The following ABCC1 variants were observed in gnomAD, a reference collection of about 807,000 sequenced individuals.
ABCC1 encodes multidrug resistance-associated protein 1.
In ABCC1, 83 loss-of-function variants were observed where a neutral mutation model predicts 172.9. The ratio of observed to expected loss-of-function variants is 0.48; its 90% CI spans 0.40 to 0.58. The LOEUF (loss-of-function observed/expected upper bound fraction) is 0.58, where lower values mean the gene tolerates loss of function less well. Ranked by LOEUF, ABCC1 falls within the 20% of genes least tolerant of loss-of-function variation. The pLI is 0.00. For missense variants in ABCC1, 1,817 were observed against 2,002.7 expected, an observed-to-expected ratio of 0.91 and a Z score of 1.77; for synonymous variants, 937 against 825.2, an observed-to-expected ratio of 1.14 and a Z score of -2.32.
chr16:16,072,754 A>G (rs2050399630), intron 14 of ABCC1, among the ~76,000 whole-genome samples: 2 of 151,802 alleles, frequency 1.3e-5, no homozygotes, highest in African/African-American at 4.8e-5. Context: ...TTAATAATAA[A>G]TATTAGGCCG....
At position 16,081,152 on chromosome 16, in the gene ABCC1, G is replaced by A. The variant is rs1567381820; in HGVS notation, c.2115+1674G>A. On this transcript the variant is annotated intron_variant, in intron 16 of 30. Coordinates refer to ENST00000399410, the MANE Select transcript of ABCC1 (RefSeq NM_004996.4). ...CAAAGTGCTGGGATTACAGGCGTGA[G>A]CCACCGCTCCTGGCCTAGTTAATGA... 2.6e-5 allele frequency among the ~76,000 whole-genome samples: 4 copies of A among 152,222 alleles called. No homozygotes were observed. The South Asian group carries it at 8.3e-4, about 31-fold the overall frequency.
intron 2 of ABCC1, 88 bp from the exon 3 acceptor site, chr16:16,009,688 C>T: frequency 7.3e-7 from 1 of 1,378,572 alleles, no homozygotes; most frequent in South Asian, 1.6e-5. Context: ...GGCTGGTTCT[C>T]CTATCCCTGG....
intron 19 of ABCC1, among the ~76,000 whole-genome samples, chr16:16,102,100 C>A (rs1471729620): frequency 6.6e-6 from 1 of 152,202 alleles, no homozygotes; most frequent in Non-Finnish European, 1.5e-5. Flanking sequence ...ACTCTTGGGA[C>A]CTCTCTGTGG....
intron 1 of ABCC1, among the ~76,000 whole-genome samples, chr16:15,955,640 A>G (rs989560599): frequency 1.8e-4 from 28 of 151,826 alleles, no homozygotes; most frequent in African/African-American, 6.5e-4. Context: ...TCTCCTACCT[A>G]CTATGTCCCT....
intron 17 of ABCC1, among the ~76,000 whole-genome samples, chr16:16,085,186 C>T (rs45481897): frequency 0.24 from 36,467 of 152,074 alleles, 5,793 homozygotes; most frequent in African/African-American, 0.46. Context: ...GCAGACCCTC[C>T]CTCCTGCTGT....
chr16:15,952,745 G>C (rs2045904059), intron 1 of ABCC1, among the ~76,000 whole-genome samples: 2 of 122,878 alleles, frequency 1.6e-5, no homozygotes, highest in African/African-American at 3.6e-5. Context: ...AAAAAAAAAA[G>C]CAGGCCGGGT....
intron 24 of ABCC1, among the ~76,000 whole-genome samples, chr16:16,124,377 CTGTGTGTGTGTG>C (rs10673887): frequency 1.9e-3 from 87 of 44,882 alleles, no homozygotes; most frequent in African/African-American, 5.3e-3. Context: ...CTACGCCCGG[CTGTGTGTGTGTG>C]TGTGTGTGTG....
At chr16:16,110,064 G>A (rs533469145) in intron 21 of ABCC1, among the ~76,000 whole-genome samples, 2 of 151,222 alleles carry the variant, frequency 1.3e-5, no homozygotes, top group South Asian at 2.1e-4. Context: ...GCACATGCTG[G>A]TTCTGCCACC....
chr16:16,025,551 C>T (rs1231128997), intron 5 of ABCC1, among the ~76,000 whole-genome samples: 2 of 152,216 alleles, frequency 1.3e-5, no homozygotes, highest in African/African-American at 4.8e-5. Flanking sequence ...GGCACTTTGG[C>T]AGTGCAGAGC....
intron 23 of ABCC1, 35 bp from the exon 24 acceptor site, chr16:16,121,940 C>T (rs2045176659): frequency 6.2e-7 from 1 of 1,610,706 alleles, no homozygotes; most frequent in Non-Finnish European, 8.5e-7. Context: ...AGGAGGGAAC[C>T]TTCATCAACT....
chr16:16,009,277 G>C (rs2047678577), intron 2 of ABCC1, among the ~76,000 whole-genome samples: 1 of 152,008 alleles, frequency 6.6e-6, no homozygotes, highest in Admixed American at 6.6e-5. Flanking sequence ...TTAATCTTTT[G>C]CTACATTTGT....
At chr16:16,078,972 C>T (rs762806494) in intron 15 of ABCC1, among the ~76,000 whole-genome samples, 1 of 152,180 alleles carries the variant, frequency 6.6e-6, no homozygotes, top group Non-Finnish European at 1.5e-5. Context: ...CATGAGCTAC[C>T]GTGTCCGGCC....
At chr16:16,106,666 T>C (rs1300815286) in intron 20 of ABCC1, 72 bp from the exon 21 acceptor site, 1 of 1,595,240 alleles carries the variant, frequency 6.3e-7, no homozygotes, top group African/African-American at 1.3e-5. Context: ...ACAATAGCAG[T>C]CCCAGCAGGG....
At chr16:15,960,029 C>T (rs2046093247) in intron 1 of ABCC1, among the ~76,000 whole-genome samples, 2 of 152,166 alleles carry the variant, frequency 1.3e-5, no homozygotes, top group Admixed American at 6.6e-5. Flanking sequence ...TTACTGGCCT[C>T]CTAGGTAATA....
intron 3 of ABCC1, among the ~76,000 whole-genome samples, chr16:16,014,061 A>G (rs780263104): frequency 6.6e-6 from 1 of 152,180 alleles, no homozygotes; most frequent in African/African-American, 2.4e-5. Flanking sequence ...CATCTTGTCT[A>G]TGGCCACTTT....
At chr16:16,014,714 C>T (rs558180692) in intron 4 of ABCC1, 86 bp downstream of exon 4, 41 of 1,508,802 alleles carry the variant, frequency 2.7e-5, no homozygotes, top group Middle Eastern at 2.4e-4. Context: ...AGAAGTCATG[C>T]GTTGCCATGG....
chr16:16,123,820 T>C (rs1270104160), intron 24 of ABCC1, among the ~76,000 whole-genome samples: 1 of 152,110 alleles, frequency 6.6e-6, no homozygotes, highest in Admixed American at 6.6e-5. Flanking sequence ...GAGACCAGCC[T>C]GGGCACTCTA....
At chr16:16,140,353 T>C (rs1010880391) in intron 30 of ABCC1, among the ~76,000 whole-genome samples, 4 of 152,152 alleles carry the variant, frequency 2.6e-5, no homozygotes, top group African/African-American at 9.7e-5. Context: ...TTCTATTTTA[T>C]TTTATATATT....
At chr16:16,134,219 G>C (rs763815834) in intron 27 of ABCC1, 131 bp from the exon 28 acceptor site, 1 of 1,131,444 alleles carries the variant, frequency 8.8e-7, no homozygotes, top group African/African-American at 1.5e-5. Context: ...CAGCGCGCAA[G>C]GGAGAGGGCT....
Sources: allele counts gnomAD v4.1 joint callset (sites outside exome capture counted in the v4.1 genomes callset), GRCh38; gene constraint gnomAD v4.1.1; transcripts MANE v1.5; gene names NCBI Gene and HGNC (gene_info 2026-07-23, HGNC 2026-07-21).